SLIT2: variants seen among roughly 807,000 people sequenced by gnomAD.
SLIT2 encodes slit guidance ligand 2.
A neutral mutation model predicts 185.7 loss-of-function variants in SLIT2; 41 were observed. That is an observed-to-expected ratio of 0.22 (90% CI 0.17 to 0.29). SLIT2 has a LOEUF of 0.29. SLIT2 is among the 10% of genes least tolerant of loss of function. The pLI is 1.00. For synonymous variants in SLIT2, 693 were observed against 680.2 expected (o/e 1.02, Z -0.29); for missense variants, 1,571 against 1,909.0 (o/e 0.82, Z 3.30).
intron 4 of SLIT2, among the ~76,000 whole-genome samples, chr4:20,350,567 C>T (rs1191014440): frequency 3.3e-5 from 5 of 151,936 alleles, no homozygotes; most frequent in Non-Finnish European, 5.9e-5. Flanking sequence ...TTCCTAAAAT[C>T]CAGAAAACAA....
chr4:20,337,416 G>A (rs914564816), intron 4 of SLIT2, among the ~76,000 whole-genome samples: 1 of 151,596 alleles, frequency 6.6e-6, no homozygotes, highest in African/African-American at 2.4e-5. Context: ...CTCCCACTGG[G>A]TGCCTCCCAG....
intron 4 of SLIT2, among the ~76,000 whole-genome samples, chr4:20,430,192 G>C (rs992855290): frequency 6.6e-6 from 1 of 151,924 alleles, no homozygotes; most frequent in African/African-American, 2.4e-5. Flanking sequence ...CACATGTTCC[G>C]TGTTGTCATA....
At chr4:20,402,413 A>G (rs1036120219) in intron 4 of SLIT2, among the ~76,000 whole-genome samples, 1 of 151,974 alleles carries the variant, frequency 6.6e-6, no homozygotes, top group African/African-American at 2.4e-5. Context: ...CTATGGAAAC[A>G]GATGAATTCA....
At chr4:20,491,551 C>G (rs1209678924) in intron 8 of SLIT2, among the ~76,000 whole-genome samples, 1 of 152,128 alleles carries the variant, frequency 6.6e-6, no homozygotes, top group Admixed American at 6.5e-5. Flanking sequence ...TTTTTAGAAT[C>G]TCATTTACTT....
At chr4:20,448,928 G>T (rs188364457) in intron 4 of SLIT2, among the ~76,000 whole-genome samples, 1 of 151,816 alleles carries the variant, frequency 6.6e-6, no homozygotes, top group African/African-American at 2.4e-5. Flanking sequence ...GGGCCACAGC[G>T]CCTGGCCCCA....
chr4:20,364,345 C>G, intron 4 of SLIT2: 1 of 894,934 alleles, frequency 1.1e-6, no homozygotes, highest in Non-Finnish European at 1.3e-6. Flanking sequence ...TTCAGGATAG[C>G]TGGACAGTTC....
intron 29 of SLIT2, among the ~76,000 whole-genome samples, chr4:20,586,659 C>T (rs923132896): frequency 3.3e-5 from 5 of 152,064 alleles, no homozygotes; most frequent in African/African-American, 1.2e-4. Context: ...GATATAAATG[C>T]TCATTAAGTA....
chr4:20,500,867 T>C (rs546366720), intron 9 of SLIT2, among the ~76,000 whole-genome samples: 2 of 152,308 alleles, frequency 1.3e-5, no homozygotes, highest in African/African-American at 4.8e-5. Context: ...TACATATGTA[T>C]CTCCTATGTA....
chr4:20,567,741 T>A, intron 28 of SLIT2, 126 bp downstream of exon 28: 1 of 714,762 alleles, frequency 1.4e-6, no homozygotes, highest in East Asian at 2.6e-5. Context: ...AATGGCAATA[T>A]GTATTGGTCC....
chr4:20,310,655 A>G lies in SLIT2; in HGVS notation c.395+41774A>G, dbSNP rs7669438. ...GCTTCCTTTCAGTGACTTTGCCCCA[A>G]TTGCTGCAGAGTGCTCTATCCTAAA... is the stretch of plus-strand genomic sequence containing the variant. On this transcript the variant is annotated intron_variant, in intron 4 of 36. Coordinates refer to ENST00000504154, the MANE Select transcript of SLIT2 (RefSeq NM_004787.4). 3.2e-4 allele frequency among the ~76,000 whole-genome samples: 48 copies of G among 152,256 alleles called. 1 individual carries two copies. The highest frequency in any genetic ancestry group is 2.9e-3 in the East Asian group (15 of 5,176).
chr4:20,417,829 A>C (rs1016440112), intron 4 of SLIT2, among the ~76,000 whole-genome samples: 1 of 152,030 alleles, frequency 6.6e-6, no homozygotes, highest in African/African-American at 2.4e-5. Flanking sequence ...GTCTTGTCTC[A>C]TCTTCACATA....
At chr4:20,490,455 G>GTA (rs752979227) in intron 8 of SLIT2, among the ~76,000 whole-genome samples, 47 of 151,204 alleles carry the variant, frequency 3.1e-4, no homozygotes, top group Middle Eastern at 3.4e-3. Context: ...GGGTGTGTGT[G>GTA]TATATATATA....
intron 4 of SLIT2, among the ~76,000 whole-genome samples, chr4:20,405,544 C>T (rs1353661901): frequency 6.6e-6 from 1 of 151,804 alleles, no homozygotes; most frequent in Non-Finnish European, 1.5e-5. Flanking sequence ...ACATAATAAT[C>T]TTTGTGCTTG....
At chr4:20,503,642 T>G (rs527696764) in intron 9 of SLIT2, among the ~76,000 whole-genome samples, 1 of 152,136 alleles carries the variant, frequency 6.6e-6, no homozygotes, top group African/African-American at 2.4e-5. Flanking sequence ...CTTGTGAATA[T>G]ATGCATGAAA....
intron 5 of SLIT2, among the ~76,000 whole-genome samples, chr4:20,477,215 A>G (rs1469425525): frequency 6.8e-6 from 1 of 147,420 alleles, no homozygotes; most frequent in Admixed American, 6.8e-5. Context: ...TTTTTAAGAC[A>G]TGGAGTTTTG....
At chr4:20,404,082 C>T (rs1003332412) in intron 4 of SLIT2, among the ~76,000 whole-genome samples, 4 of 151,926 alleles carry the variant, frequency 2.6e-5, no homozygotes, top group Non-Finnish European at 5.9e-5. Context: ...TACAATTTTT[C>T]AGTTGCATCA....
rs1385864942 is a variant in SLIT2 at position 20,619,777 on chromosome 4, A to C, written c.*768A>C. On this transcript the variant is annotated 3_prime_UTR_variant, in exon 37 of 37. Transcript: ENST00000504154. ...TATACAGTATTCAGTTTCCATGAGA[A>C]ATATTTATTGTATCAAAGTACATTG... The C allele has an allele frequency of 3.3e-5, 5 of 152,142 alleles. No individual in the cohort carries two copies. Among genetic ancestry groups the C allele is most frequent in the Non-Finnish European group, 5.9e-5 (4 of 68,054 alleles). The allele number at this position is 152,142 out of a possible 1,614,324, so 9.4% of individuals were successfully genotyped here.
chr4:20,352,748 A>T (rs972178363), intron 4 of SLIT2, among the ~76,000 whole-genome samples: 1 of 152,112 alleles, frequency 6.6e-6, no homozygotes, highest in African/African-American at 2.4e-5. Context: ...TCCCATCTCT[A>T]CTGAAAATAC....
intron 34 of SLIT2, among the ~76,000 whole-genome samples, chr4:20,611,546 C>A (rs145036162): frequency 5.3e-5 from 8 of 152,294 alleles, no homozygotes; most frequent in African/African-American, 1.9e-4. Context: ...GTCTACTCAG[C>A]AAGTTGACTT....
Sources: gnomAD v4.1 joint callset for allele counts (sites outside exome capture counted in the v4.1 genomes callset) on GRCh38, gnomAD v4.1.1 for gene constraint, MANE v1.5 for transcripts, NCBI Gene and HGNC (gene_info 2026-07-23, HGNC 2026-07-21) for gene names.